The following MED1 variants were observed in gnomAD, a reference collection of about 807,000 sequenced individuals.
MED1 encodes the protein mediator complex subunit 1, also known as mediator of RNA polymerase II transcription subunit 1.
In MED1, 17 loss-of-function variants were observed where a neutral mutation model predicts 121.3. That is an observed-to-expected ratio of 0.14 (90% confidence interval 0.10 to 0.21). The LOEUF is 0.21. Ranked by LOEUF, MED1 falls within the 10% of genes least tolerant of loss-of-function variation. MED1 has a pLI of 1.00. For synonymous variants in MED1, 661 were observed against 694.4 expected (o/e 0.95, Z 0.76); for missense variants, 1,558 against 1,919.4 (o/e 0.81, Z 3.52).
chr17:39,447,507 A>G (rs1447163751), intron 2 of MED1, among the ~76,000 whole-genome samples: 1 of 152,206 alleles, frequency 6.6e-6, no homozygotes, highest in African/African-American at 2.4e-5. Flanking sequence ...TTTATGAAAC[A>G]TAAATAAATT....
chr17:39,416,467 A>C (rs1465922284), intron 14 of MED1, among the ~76,000 whole-genome samples: 2 of 152,236 alleles, frequency 1.3e-5, no homozygotes, highest in Non-Finnish European at 2.9e-5. Flanking sequence ...CAGCCTAGAC[A>C]CAAGGATCAT....
intron 7 of MED1, among the ~76,000 whole-genome samples, chr17:39,433,262 G>A (rs531770292): frequency 2.6e-5 from 4 of 151,836 alleles, no homozygotes; most frequent in East Asian, 1.9e-4. Context: ...CCAGCTACTC[G>A]GAAGGCTGAG....
At chr17:39,411,612 A>T (rs2048356161) in intron 16 of MED1, among the ~76,000 whole-genome samples, 1 of 152,162 alleles carries the variant, frequency 6.6e-6, no homozygotes, top group African/African-American at 2.4e-5. Context: ...ACAGTGCAAG[A>T]CTTCATTTCA....
At chr17:39,443,934 G>A (rs1401011827) in intron 2 of MED1, among the ~76,000 whole-genome samples, 2 of 152,088 alleles carry the variant, frequency 1.3e-5, no homozygotes, top group Non-Finnish European at 2.9e-5. Flanking sequence ...TTCGAGACCA[G>A]CCAAGGCAAG....
intron 7 of MED1, among the ~76,000 whole-genome samples, chr17:39,433,546 T>TATATATATATATATATAC (rs540103395): frequency 2.0e-5 from 3 of 150,528 alleles, no homozygotes; most frequent in African/African-American, 7.3e-5. Flanking sequence ...TATATATATA[T>TATATATATATATATATAC]ACACACATAT....
intron 13 of MED1, among the ~76,000 whole-genome samples, chr17:39,422,392 T>G (rs1448529964): frequency 6.6e-6 from 1 of 150,492 alleles, no homozygotes; most frequent in African/African-American, 2.4e-5. Context: ...TCTCGATCTC[T>G]TGACCTCGTG....
chr17:39,413,325 CA>C lies in MED1; in HGVS notation c.1499+1700del, dbSNP rs1394474544. On this transcript the variant is annotated intron_variant, in intron 16 of 16. Transcript: ENST00000300651. ...TCACCCAGGCTAAAGAACAGTGGCGCAATCTTGGCTCACCGCAACCTCCGAT... is the reference window on the plus strand; with the variant it reads ...TCACCCAGGCTAAAGAACAGTGGCGCATCTTGGCTCACCGCAACCTCCGAT... Among the ~76,000 whole-genome samples the C allele has an allele frequency of 2.0e-5, 3 of 152,280 alleles. No individual in the cohort carries two copies. The East Asian group carries it at 5.8e-4, about 29-fold the overall frequency.
chr17:39,440,381 C>A lies in MED1; in HGVS notation c.399+5G>T. On this transcript the variant is annotated splice_donor_5th_base_variant and intron_variant, in intron 5 of 16. Coordinates refer to ENST00000300651, the MANE Select transcript of MED1 (RefSeq NM_004774.4). This position sits in a 1 kb window ranked among gnomAD's most constrained non-coding sequence, Gnocchi z 4.1. Reference sequence around the variant, plus strand: ...AGATTCCAGTGAAATATCAACAACACATACCACAGGATTCTCCCCATGGTG... The same window carrying A: ...AGATTCCAGTGAAATATCAACAACAAATACCACAGGATTCTCCCCATGGTG... The A allele has an allele frequency of 6.4e-7, 1 of 1,556,850 alleles. No individual in the cohort carries two copies. The highest frequency in any genetic ancestry group is 1.7e-4 in the Middle Eastern group (1 of 5,788).
rs2048346695 is a variant in MED1 at position 39,410,507 on chromosome 17, T to C, written c.1714A>G (p.Ile572Val). Residue 572 changes from isoleucine (I) to valine (V), a missense_variant, in exon 17 of 17, where the codon ATT (isoleucine) becomes GTT (valine). By Grantham distance (29) the Ile-to-Val change is conservative. Coordinates refer to ENST00000300651, the MANE Select transcript of MED1 (RefSeq NM_004774.4). The stretch of plus-strand genomic sequence containing the variant: ...ATGCTCATATTAAACAAGGTGGTAA[T>C]GGGACCCCCCGGAAAGGTGTTGGTT... ...TPTNTFPGGP[I>V]TTLFNMSMSI... is the part of the protein sequence containing the mutation. 6.2e-6 allele frequency: 10 copies of C among 1,614,100 alleles called. No homozygotes were observed. Among genetic ancestry groups the C allele is most frequent in the Non-Finnish European group, 8.5e-6 (10 of 1,180,014 alleles).
At position 39,423,760 on chromosome 17, in the gene MED1, A is replaced by G; in HGVS notation, c.913T>C (p.Leu305=). 6.2e-7 allele frequency: 1 copy of G among 1,614,018 alleles called. No individual in the cohort carries two copies. Among genetic ancestry groups the G allele is most frequent in the Admixed American group, 1.7e-5 (1 of 59,972 alleles). The change falls in exon 12 of 17, where the codon TTG becomes CTG. Residue 305 remains leucine, a synonymous_variant. Coordinates refer to ENST00000300651, the MANE Select transcript of MED1 (RefSeq NM_004774.4). ...NSVDLPACFF[L]KFPQPIPVSR... The stretch of plus-strand genomic sequence containing the variant: ...ACTGGGATTGGCTGGGGAAATTTCA[A>G]GAAGAAACAGGCAGGAAGATCAACA...
intron 14 of MED1, among the ~76,000 whole-genome samples, chr17:39,415,750 G>A (rs1221175597): frequency 6.6e-6 from 1 of 150,602 alleles, no homozygotes; most frequent in East Asian, 1.9e-4. Flanking sequence ...CTAGGAGGCG[G>A]AGGTTGTAGT....
Position 39,451,180 on chromosome 17 carries a change from TC to T in MED1, c.-119del. ...GCAGGGCACCAGCAGTCCCTACTCT[TC>T]CCGGGAAGGATCAATCTGAAGTCCC... is the stretch of plus-strand genomic sequence containing the variant. On this transcript the variant is annotated 5_prime_UTR_variant, in exon 1 of 17. Coordinates refer to ENST00000300651, the MANE Select transcript of MED1 (RefSeq NM_004774.4). 1 of 1,156,742 alleles carries T rather than the reference TC, an allele frequency of 8.6e-7. No homozygotes were observed. The highest frequency in any genetic ancestry group is 1.3e-6 in the Non-Finnish European group (1 of 792,146). 71.7% of individuals were successfully genotyped at this position (1,156,742 alleles called of 1,614,324 possible). A position where few individuals can be genotyped will look rare whatever the true frequency, so the allele number is the denominator to read the frequency against.
intron 6 of MED1, among the ~76,000 whole-genome samples, chr17:39,437,035 C>T (rs564503388): frequency 1.4e-4 from 22 of 151,910 alleles, no homozygotes; most frequent in South Asian, 6.2e-4. Context: ...CGGGTTCAAG[C>T]GATTCTCTTG....
chr17:39,441,707 G>A (rs1279043290), intron 3 of MED1, among the ~76,000 whole-genome samples: 5 of 152,182 alleles, frequency 3.3e-5, no homozygotes, highest in Non-Finnish European at 7.3e-5. Flanking sequence ...TGGGGGCGCA[G>A]TGGTTGCAGT....
rs1334030951 is a variant in MED1 at position 39,423,804 on chromosome 17, G to A, written c.869C>T (p.Ser290Leu). 2.5e-6 allele frequency: 4 copies of A among 1,612,184 alleles called. No individual in the cohort carries two copies. Among genetic ancestry groups the A allele is most frequent in the Non-Finnish European group, 3.4e-6 (4 of 1,179,546 alleles). ...ATCAACACTGTTGGCACTGGTGATT[G>A]AGGAGAAGGAAGGGGTCCTTCAAAA... ...VDNKWTPSFS[S>L]ITSANSVDLP... The change falls in exon 12 of 17, where the codon TCA becomes TTA. Residue 290 changes from serine to leucine, a missense_variant. Around this residue, in one of 5 missense-constraint regions of MED1, gnomAD observed 443 missense variants for 532.4 expected, o/e 0.83. Transcript: ENST00000300651.
Position 39,405,458 on chromosome 17 carries a change from AAT to A in MED1, c.*2015_*2016del. On this transcript the variant is annotated 3_prime_UTR_variant, in exon 17 of 17. Coordinates refer to ENST00000300651, the MANE Select transcript of MED1 (RefSeq NM_004774.4). ...CAGAACAAATTTTAAAAACCACATAAATTTTTTTTTTTTTCCTGCAGAAACCA... is the reference window on the plus strand; with the variant it reads ...CAGAACAAATTTTAAAAACCACATAATTTTTTTTTTTTCCTGCAGAAACCA... 5 of 1,399,222 alleles carry A rather than the reference AAT, an allele frequency of 3.6e-6. No homozygotes were observed. The highest frequency in any genetic ancestry group is 2.6e-5 in the East Asian group (1 of 38,582). The allele number at this position is 1,399,222 out of a possible 1,614,324, so 86.7% of individuals were successfully genotyped here.
Position 39,451,025 on chromosome 17 carries a change from TAC to T in MED1, c.25+11_25+12del. 1 of 1,586,900 alleles carries T rather than the reference TAC, an allele frequency of 6.3e-7. No homozygotes were observed. Among genetic ancestry groups the T allele is most frequent in the Non-Finnish European group, 8.6e-7 (1 of 1,158,604 alleles). On this transcript the variant is annotated intron_variant, in intron 1 of 16. Transcript: ENST00000300651. ...TTGTGTCCCGCCCCCTCCTTTCCCC[TAC>T]AGTCACTTACCCTCGGTTTCCCCCT...
intron 14 of MED1, 75 bp downstream of exon 14, chr17:39,419,642 T>A: frequency 7.0e-7 from 1 of 1,438,080 alleles, no homozygotes; most frequent in South Asian, 1.2e-5. Context: ...GTGATTCTGA[T>A]GGGCCACCAA....
chr17:39,407,736 C>T lies in MED1; in HGVS notation c.4485G>A (p.Glu1495=), dbSNP rs1469574482. The part of the protein sequence containing the change: ...GIRPLPEYST[E]KHKKHKKEKK... ...TTTCCTTTTTGTGCTTCTTATGTTT[C>T]TCTGTGCTGTATTCTGGAAGTGGTC... Residue 1495 remains glutamate (E), a synonymous_variant, in exon 17 of 17, where the codon GAG becomes GAA. Coordinates refer to ENST00000300651, the MANE Select transcript of MED1 (RefSeq NM_004774.4). The T allele has an allele frequency of 3.7e-6, 6 of 1,613,908 alleles. No homozygotes were observed. The East Asian group carries it at 1.1e-4, about 30-fold the overall frequency.
Sources: allele counts gnomAD v4.1 joint callset (sites outside exome capture counted in the v4.1 genomes callset), GRCh38; gene constraint gnomAD v4.1.1; regional missense constraint gnomAD v4.1.1; non-coding constraint Gnocchi (gnomAD v3.1); transcripts MANE v1.5; gene names NCBI Gene and HGNC (gene_info 2026-07-23, HGNC 2026-07-21).